Variants in VEPH1 observed in about 807,000 individuals in gnomAD.
VEPH1 encodes the protein ventricular zone expressed PH domain containing 1.
A neutral mutation model predicts 85.2 loss-of-function variants in VEPH1; 80 were observed. That is an observed-to-expected ratio of 0.94 (90% CI 0.78 to 1.13). The LOEUF is 1.13. Among genes scored for constraint, VEPH1 ranks in the 50% most tolerant of loss-of-function variants. VEPH1 has a pLI of 0.00. For synonymous variants in VEPH1, 297 were observed against 348.0 expected (o/e 0.85, Z 1.63); for missense variants, 955 against 980.5 (o/e 0.97, Z 0.35).
intron 6 of VEPH1, among the ~76,000 whole-genome samples, chr3:157,394,267 A>T (rs1262215487): frequency 6.6e-6 from 1 of 152,264 alleles, no homozygotes; most frequent in Non-Finnish European, 1.5e-5. Context: ...TAGTAGTACC[A>T]TGTAAAGCCT....
At chr3:157,468,246 C>T (rs780724658) in intron 3 of VEPH1, among the ~76,000 whole-genome samples, 1 of 152,156 alleles carries the variant, frequency 6.6e-6, no homozygotes, top group Non-Finnish European at 1.5e-5. Flanking sequence ...AACACAGGAG[C>T]CACTGACCAT....
chr3:157,318,632 A>AG (rs1485244835), intron 9 of VEPH1, among the ~76,000 whole-genome samples: 2 of 128,512 alleles, frequency 1.6e-5, no homozygotes, highest in East Asian at 2.4e-4. Flanking sequence ...AACAAAAAAA[A>AG]AAAGAAAGAA....
intron 3 of VEPH1, among the ~76,000 whole-genome samples, chr3:157,469,647 A>G (rs1736728584): frequency 6.6e-6 from 1 of 152,244 alleles, no homozygotes. Flanking sequence ...CTTTTCTGAG[A>G]AACACCTATC....
intron 9 of VEPH1, among the ~76,000 whole-genome samples, chr3:157,354,760 A>AT (rs775303186): frequency 2.0e-5 from 3 of 152,136 alleles, no homozygotes; most frequent in Non-Finnish European, 2.9e-5. Flanking sequence ...GTTTGCTGCT[A>AT]TATCTTCAGT....
chr3:157,436,813 C>T, intron 4 of VEPH1: 1 of 1,192,228 alleles, frequency 8.4e-7, no homozygotes, highest in Non-Finnish European at 1.2e-6. Flanking sequence ...TCAGGCTTTC[C>T]TCAGCATTTA....
At chr3:157,262,693 TA>T (rs1160041666) in intron 13 of VEPH1, among the ~76,000 whole-genome samples, 9 of 152,194 alleles carry the variant, frequency 5.9e-5, no homozygotes, top group Non-Finnish European at 5.9e-5. Flanking sequence ...AAAATGTCAA[TA>T]TTTACAATTC....
intron 9 of VEPH1, among the ~76,000 whole-genome samples, chr3:157,361,667 G>C (rs1193744859): frequency 6.6e-6 from 1 of 152,170 alleles, no homozygotes; most frequent in Non-Finnish European, 1.5e-5. Flanking sequence ...TAAAGATTAT[G>C]AGCCTGAGAG....
intron 7 of VEPH1, among the ~76,000 whole-genome samples, chr3:157,367,432 G>A (rs1269677561): frequency 6.6e-6 from 1 of 152,042 alleles, no homozygotes; most frequent in African/African-American, 2.4e-5. Context: ...AAAATCTAAT[G>A]GACTTACCAC....
At chr3:157,304,843 T>G (rs1178824079) in intron 11 of VEPH1, among the ~76,000 whole-genome samples, 1 of 152,120 alleles carries the variant, frequency 6.6e-6, no homozygotes, top group Non-Finnish European at 1.5e-5. Context: ...TCCTTTTGGT[T>G]GATTTAATGG....
At position 157,470,381 on chromosome 3, in the gene VEPH1, G is replaced by A. The variant is rs139169472; in HGVS notation, c.287C>T (p.Pro96Leu). Residue 96 changes from proline to leucine, a missense_variant, in exon 3 of 14, where the codon CCC (proline) becomes CTC (leucine). Coordinates refer to ENST00000362010, the MANE Select transcript of VEPH1 (RefSeq NM_001167912.2). ...AGGAGTGTCTTCGTCTTTCCCAAAG[G>A]GTCTCAGGTTATGTTCCAAGCAGGA... ...WDSCLEHNLRPFGKDEDTPHA... is the reference protein window; with the variant it reads ...WDSCLEHNLRLFGKDEDTPHA... The A allele has an allele frequency of 2.2e-4, 354 of 1,613,924 alleles. No homozygotes were observed. The highest frequency in any genetic ancestry group is 1.1e-4 in the Non-Finnish European group (134 of 1,180,028).
At chr3:157,371,217 T>A (rs2108812279) in intron 7 of VEPH1, among the ~76,000 whole-genome samples, 1 of 152,340 alleles carries the variant, frequency 6.6e-6, no homozygotes, top group Non-Finnish European at 1.5e-5. Context: ...GGGACTCTCC[T>A]ACTCCATGAG....
At chr3:157,493,697 C>A (rs1395312429) in intron 2 of VEPH1, among the ~76,000 whole-genome samples, 7 of 152,126 alleles carry the variant, frequency 4.6e-5, no homozygotes, top group African/African-American at 1.7e-4. Context: ...AAGGGACCTG[C>A]CAGCCTTAAT....
chr3:157,278,703 T>G (rs1178009615), intron 12 of VEPH1, among the ~76,000 whole-genome samples: 3 of 152,100 alleles, frequency 2.0e-5, no homozygotes, highest in African/African-American at 7.2e-5. Flanking sequence ...TGGACAGATT[T>G]GAGAGCAATT....
intron 4 of VEPH1, chr3:157,437,865 C>G (rs769088962): frequency 1.3e-6 from 2 of 1,501,228 alleles, no homozygotes; most frequent in South Asian, 1.2e-5. Flanking sequence ...AGACGCGAGC[C>G]GACCTGCACG....
chr3:157,495,185 A>G, intron 2 of VEPH1, 27 bp downstream of exon 2: 1 of 1,609,724 alleles, frequency 6.2e-7, no homozygotes, highest in Non-Finnish European at 8.5e-7. Context: ...CATTTCAGAG[A>G]TGTAGTCTAT....
chr3:157,495,339 A>T lies in VEPH1; in HGVS notation c.11T>A (p.Leu4Gln). 6.2e-7 allele frequency: 1 copy of T among 1,613,968 alleles called. No homozygotes were observed. Among genetic ancestry groups the T allele is most frequent in the Non-Finnish European group, 8.5e-7 (1 of 1,179,864 alleles). The part of the protein sequence containing the change: MHQ[L>Q]FRLVLGQKDL... Reference sequence around the variant, plus strand: ...TTTTTGTCCCAAAACCAGTCTGAACAGTTGATGCATGGTGAGGATGAGTTT... The same window carrying T: ...TTTTTGTCCCAAAACCAGTCTGAACTGTTGATGCATGGTGAGGATGAGTTT... Residue 4 changes from leucine (L) to glutamine (Q), a missense_variant, in exon 2 of 14, where the codon CTG becomes CAG. By Grantham distance (113) the Leu-to-Gln change is moderately radical (BLOSUM62 -2). Coordinates refer to ENST00000362010, the MANE Select transcript of VEPH1 (RefSeq NM_001167912.2).
At chr3:157,267,926 G>A (rs573491061) in intron 12 of VEPH1, among the ~76,000 whole-genome samples, 135 of 152,324 alleles carry the variant, frequency 8.9e-4, no homozygotes, top group African/African-American at 3.0e-3. Flanking sequence ...GATGTTTGAG[G>A]TGATGACATT....
At chr3:157,324,727 T>C (rs1721714186) in intron 9 of VEPH1, among the ~76,000 whole-genome samples, 1 of 152,106 alleles carries the variant, frequency 6.6e-6, no homozygotes, top group Non-Finnish European at 1.5e-5. Flanking sequence ...ATTTTCTTTG[T>C]CTAGTCTGTC....
intron 6 of VEPH1, among the ~76,000 whole-genome samples, chr3:157,411,995 C>A (rs1229572157): frequency 6.6e-6 from 1 of 152,186 alleles, no homozygotes; most frequent in African/African-American, 2.4e-5. Flanking sequence ...TTCCCCCTTG[C>A]TGCTGCTCTC....
Sources: allele counts gnomAD v4.1 joint callset (sites outside exome capture counted in the v4.1 genomes callset), GRCh38; gene constraint gnomAD v4.1.1; transcripts MANE v1.5; gene names NCBI Gene and HGNC (gene_info 2026-07-23, HGNC 2026-07-21).